Variants in CTIF observed in about 807,000 individuals in gnomAD.
CTIF encodes cap binding complex dependent translation initiation factor, also known as CBP80/20-dependent translation initiation factor.
CTIF carries 21 observed loss-of-function variants against 66.0 expected under a neutral mutation model. That is an observed-to-expected ratio of 0.32 (90% confidence interval 0.23 to 0.46). The LOEUF is 0.46. Ranked by LOEUF, CTIF falls within the 20% of genes least tolerant of loss-of-function variation. CTIF has a pLI of 1.00. For missense variants in CTIF, 739 were observed against 812.7 expected, an observed-to-expected ratio of 0.91 and a Z score of 1.10; for synonymous variants, 345 against 326.4, an observed-to-expected ratio of 1.06 and a Z score of -0.62.
At chr18:48,750,738 C>T (rs781774770) in intron 7 of CTIF, among the ~76,000 whole-genome samples, 1 of 152,232 alleles carries the variant, frequency 6.6e-6, no homozygotes, top group Non-Finnish European at 1.5e-5. Flanking sequence ...CCATTCCCAG[C>T]GGGCCCTGGC....
At chr18:48,792,572 T>A (rs1208332589) in intron 9 of CTIF, among the ~76,000 whole-genome samples, 1 of 151,912 alleles carries the variant, frequency 6.6e-6, no homozygotes, top group Non-Finnish European at 1.5e-5. Context: ...GTTGAGTAAA[T>A]GTGGGAGAGT....
At chr18:48,774,592 G>C (rs1568208591) in intron 9 of CTIF, among the ~76,000 whole-genome samples, 1 of 152,094 alleles carries the variant, frequency 6.6e-6, no homozygotes, top group African/African-American at 2.4e-5. Flanking sequence ...TGAAGTATGA[G>C]GACAGGCATG....
intron 7 of CTIF, among the ~76,000 whole-genome samples, chr18:48,748,537 C>T (rs946893711): frequency 6.6e-6 from 1 of 152,114 alleles, no homozygotes; most frequent in Non-Finnish European, 1.5e-5. Flanking sequence ...CGAAGATCAG[C>T]GCACCCCATC....
chr18:48,650,785 A>G (rs1296165790), intron 3 of CTIF, among the ~76,000 whole-genome samples: 4 of 152,304 alleles, frequency 2.6e-5, no homozygotes, highest in African/African-American at 9.6e-5. Flanking sequence ...CTTGGCAGAA[A>G]CTCTACAAGC....
At chr18:48,813,498 G>T (rs1452843632) in intron 9 of CTIF, among the ~76,000 whole-genome samples, 1 of 152,190 alleles carries the variant, frequency 6.6e-6, no homozygotes, top group Non-Finnish European at 1.5e-5. Flanking sequence ...ACCCCTGTCT[G>T]GTCTTTTGTG....
chr18:48,639,443 G>T (rs1261618763), intron 3 of CTIF, among the ~76,000 whole-genome samples: 2 of 152,294 alleles, frequency 1.3e-5, no homozygotes, highest in South Asian at 4.1e-4. Context: ...CCAGGGGGCA[G>T]CCTGGAGTTC....
intron 9 of CTIF, among the ~76,000 whole-genome samples, chr18:48,809,607 A>G (rs1357725029): frequency 6.6e-6 from 1 of 152,132 alleles, no homozygotes; most frequent in Non-Finnish European, 1.5e-5. Context: ...GTTCTGAGTC[A>G]GTTTGCAAAG....
At chr18:48,757,867 T>G in intron 7 of CTIF, 52 bp from the exon 8 acceptor site, 3 of 1,565,622 alleles carry the variant, frequency 1.9e-6, no homozygotes, top group Non-Finnish European at 2.6e-6. Flanking sequence ...ACAGGGACTC[T>G]GACCAGCCCG....
chr18:48,565,726 A>C (rs991993888), intron 1 of CTIF: 1 of 152,274 alleles, frequency 6.6e-6, no homozygotes, highest in Non-Finnish European at 1.5e-5. Context: ...CAACCATGCA[A>C]GCTCTCAGGA....
At chr18:48,618,023 C>CCG (rs1555655942) in intron 1 of CTIF, among the ~76,000 whole-genome samples, 1 of 152,164 alleles carries the variant, frequency 6.6e-6, no homozygotes, top group Non-Finnish European at 1.5e-5. Flanking sequence ...CTCCTTCCCC[C>CCG]GGGCAGTTCT....
intron 7 of CTIF, among the ~76,000 whole-genome samples, chr18:48,728,130 C>T (rs1298114184): frequency 2.0e-5 from 3 of 152,188 alleles, no homozygotes; most frequent in Non-Finnish European, 4.4e-5. Context: ...TGTTGCTAAA[C>T]ATTTTGGGGC....
intron 3 of CTIF, among the ~76,000 whole-genome samples, chr18:48,645,660 C>A (rs2091017386): frequency 6.6e-6 from 1 of 152,228 alleles, no homozygotes; most frequent in South Asian, 2.1e-4. Flanking sequence ...CCCCACTGGG[C>A]AGTATCGAGG....
intron 8 of CTIF, among the ~76,000 whole-genome samples, chr18:48,759,998 A>G (rs1049368692): frequency 6.6e-6 from 1 of 152,144 alleles, no homozygotes; most frequent in East Asian, 1.9e-4. Flanking sequence ...AAACATTTTC[A>G]TCAGGGAGAG....
chr18:48,779,918 G>A (rs1380728581), intron 9 of CTIF, among the ~76,000 whole-genome samples: 3 of 152,194 alleles, frequency 2.0e-5, no homozygotes, highest in Admixed American at 6.5e-5. Flanking sequence ...CTGGGTGAAG[G>A]TGGGCCCTGG....
intron 1 of CTIF, among the ~76,000 whole-genome samples, chr18:48,570,070 C>T (rs779242276): frequency 3.9e-5 from 6 of 152,172 alleles, no homozygotes; most frequent in Admixed American, 3.3e-4. Flanking sequence ...AACACGTGGC[C>T]ACGTTGATTG....
In CTIF at chr18:48,859,203, A is replaced by G. The variant is rs557788176; in HGVS notation, c.1582-141A>G. On this transcript the variant is annotated intron_variant, in intron 11 of 11. Coordinates refer to ENST00000256413, the MANE Select transcript of CTIF (RefSeq NM_014772.3). ...TCCACCTTCCACTCTCCCTGTCCTC[A>G]TTCCAGCTGTGGCACAGGGGTCTGG... 4 of 721,518 alleles carry G rather than the reference A, an allele frequency of 5.5e-6. No individual in the cohort carries two copies. The African/African-American group carries it at 7.0e-5, about 13-fold the overall frequency. 44.7% of individuals were successfully genotyped at this position (721,518 alleles called of 1,614,324 possible). A position where few individuals can be genotyped will look rare whatever the true frequency, so the allele number is the denominator to read the frequency against.
At chr18:48,664,969 C>T (rs1286156570) in intron 5 of CTIF, among the ~76,000 whole-genome samples, 3 of 147,370 alleles carry the variant, frequency 2.0e-5, no homozygotes, top group Admixed American at 1.4e-4. Flanking sequence ...CTGCGGACTG[C>T]AGTGGCGCAA....
At position 48,758,303 on chromosome 18, in the gene CTIF, AAAACGTAAAGACAGT is replaced by A. The variant is rs1908611816; in HGVS notation, c.971_985del (p.Lys324_Ser328del). The A allele has an allele frequency of 6.2e-7, 1 of 1,613,418 alleles. No homozygotes were observed. The highest frequency in any genetic ancestry group is 1.3e-5 in the African/African-American group (1 of 75,072). Reference sequence around the variant, plus strand: ...AGTCAGGGGGGCCAGAGGTTGAGACAAAACGTAAAGACAGTATTCTTCCCGAGCGCATCGGGGAGC... The same window carrying A: ...AGTCAGGGGGGCCAGAGGTTGAGACAATTCTTCCCGAGCGCATCGGGGAGC... On this transcript the variant is annotated inframe_deletion, in exon 8 of 12. Coordinates refer to ENST00000256413, the MANE Select transcript of CTIF (RefSeq NM_014772.3).
chr18:48,858,938 C>T (rs2069392303), intron 11 of CTIF, among the ~76,000 whole-genome samples: 3 of 152,272 alleles, frequency 2.0e-5, no homozygotes, highest in African/African-American at 7.2e-5. Context: ...AGAGACGCCC[C>T]AGCAAGTGAA....
Sources: allele counts gnomAD v4.1 joint callset (sites outside exome capture counted in the v4.1 genomes callset), GRCh38; gene constraint gnomAD v4.1.1; transcripts MANE v1.5; gene names NCBI Gene and HGNC (gene_info 2026-07-23, HGNC 2026-07-21).